Variants in TTI1 observed in about 807,000 individuals in gnomAD.
TTI1 encodes the protein TELO2 interacting protein 1.
TTI1 carries 52 observed loss-of-function variants against 85.4 expected under a neutral mutation model. The ratio of observed to expected loss-of-function variants is 0.61; its 90% confidence interval spans 0.49 to 0.77. The LOEUF (loss-of-function observed/expected upper bound fraction) is 0.77. TTI1 is among the 30% of genes least tolerant of loss of function. The pLI, the probability that TTI1 is intolerant of heterozygous loss-of-function variation, is 0.00. For synonymous variants in TTI1, 512 were observed against 503.9 expected (o/e 1.02, Z -0.22); for missense variants, 1,173 against 1,296.0 (o/e 0.91, Z 1.46).
In TTI1 at chr20:37,983,571, G is replaced by C. The variant is rs775115478; in HGVS notation, c.3155C>G (p.Pro1052Arg). 2.5e-6 allele frequency: 4 copies of C among 1,592,068 alleles called. No individual in the cohort carries two copies. The Admixed American group carries it at 7.2e-5, about 28-fold the overall frequency. Residue 1052 changes from proline to arginine, a missense_variant, in exon 8 of 8, where the codon CCC (proline) becomes CGC (arginine). Transcript: ENST00000373447. Reference sequence around the variant, plus strand: ...GGGGTGGGGAGGTGTGAACTGCACGGGGCAGTAAAGCTCGTTCAGGAGGAA... The same window carrying C: ...GGGGTGGGGAGGTGTGAACTGCACGCGGCAGTAAAGCTCGTTCAGGAGGAA... ...TWFLLNELYC[P>R]VQFTPPHPSL...
intron 7 of TTI1, among the ~76,000 whole-genome samples, chr20:37,991,180 T>C (rs1464826414): frequency 6.6e-6 from 1 of 152,226 alleles, no homozygotes; most frequent in African/African-American, 2.4e-5. Flanking sequence ...GGGTTTGGAT[T>C]TGTCAACTAT....
chr20:38,004,294 C>G lies in TTI1; in HGVS notation c.2504-1518G>C, dbSNP rs117747614. Among the ~76,000 whole-genome samples the G allele has an allele frequency of 2.7e-3, 417 of 152,298 alleles. 2 individuals are homozygous for G. Among genetic ancestry groups the G allele is most frequent in the Non-Finnish European group, 4.4e-3 (302 of 68,020 alleles). ...AAAAATTTTCCTGATCTACTTACAG[C>G]CCCCAGCCTCATGCCAACCCTGATT... On this transcript the variant is annotated intron_variant, in intron 3 of 7. Coordinates refer to ENST00000373447, the MANE Select transcript of TTI1 (RefSeq NM_001303457.2).
chr20:37,987,742 G>A (rs1199986750), intron 7 of TTI1, among the ~76,000 whole-genome samples: 1 of 152,236 alleles, frequency 6.6e-6, no homozygotes, highest in East Asian at 1.9e-4. Flanking sequence ...AAGAAGCCTG[G>A]TGTTTATACT....
intron 3 of TTI1, among the ~76,000 whole-genome samples, chr20:38,003,332 C>T (rs2073451979): frequency 1.3e-5 from 2 of 152,092 alleles, no homozygotes; most frequent in Admixed American, 1.3e-4. Context: ...AAAAGCACAA[C>T]ACAAAATTGC....
At chr20:37,985,958 C>T (rs996753710) in intron 7 of TTI1, among the ~76,000 whole-genome samples, 3 of 152,162 alleles carry the variant, frequency 2.0e-5, no homozygotes, top group African/African-American at 7.2e-5. Flanking sequence ...GTTTCCACTT[C>T]ACCGCAGAAA....
chr20:38,016,111 A>T (rs1411876997), intron 1 of TTI1, among the ~76,000 whole-genome samples: 1 of 152,226 alleles, frequency 6.6e-6, no homozygotes, highest in African/African-American at 2.4e-5. Flanking sequence ...AAGACAGTGG[A>T]ATAGCACCTA....
chr20:38,015,661 G>A (rs1028668639), intron 1 of TTI1, among the ~76,000 whole-genome samples: 2 of 152,096 alleles, frequency 1.3e-5, no homozygotes, highest in Non-Finnish European at 2.9e-5. Flanking sequence ...ATAATAAAAA[G>A]ACCAAGTTCA....
In TTI1 at chr20:38,002,759, G is replaced by A. The variant is rs1216652451; in HGVS notation, c.2521C>T (p.Pro841Ser). The A allele has an allele frequency of 6.2e-7, 1 of 1,614,124 alleles. No individual in the cohort carries two copies. The highest frequency in any genetic ancestry group is 8.5e-7 in the Non-Finnish European group (1 of 1,180,006). Reference protein sequence around the residue: ...DNEEEEQSVPPKVDENDTRPD... With the variant: ...DNEEEEQSVPSKVDENDTRPD... ...CGGGTGTCATTCTCATCCACTTTGG[G>A]AGGGACTGACTGTTCCTCTGGAAAA... The change falls in exon 4 of 8, where the codon CCC (proline) becomes TCC (serine). Residue 841 changes from proline (P) to serine (S), a missense_variant. By Grantham distance (74) the Pro-to-Ser change is moderately conservative. Coordinates refer to ENST00000373447, the MANE Select transcript of TTI1 (RefSeq NM_001303457.2).
At chr20:37,985,469 C>T (rs546158846) in intron 7 of TTI1, among the ~76,000 whole-genome samples, 113 of 151,824 alleles carry the variant, frequency 7.4e-4, no homozygotes, top group Non-Finnish European at 1.4e-3. Flanking sequence ...GTGTAGTGGA[C>T]ATACACTAAG....
intron 4 of TTI1, 108 bp downstream of exon 4, chr20:38,002,520 G>A: frequency 7.0e-7 from 1 of 1,423,002 alleles, no homozygotes; most frequent in South Asian, 1.3e-5. Flanking sequence ...CACCACACGT[G>A]GACCAGGAGA....
intron 2 of TTI1, among the ~76,000 whole-genome samples, chr20:38,007,066 C>T (rs1346131678): frequency 1.3e-5 from 2 of 152,208 alleles, no homozygotes; most frequent in African/African-American, 4.8e-5. Flanking sequence ...TCCAGGATTT[C>T]ATCCTATCGA....
chr20:38,002,897 G>C, intron 3 of TTI1, 121 bp from the exon 4 acceptor site: 1 of 1,325,246 alleles, frequency 7.5e-7, no homozygotes, highest in South Asian at 1.3e-5. Context: ...CAAATGGACT[G>C]AGACACCTCC....
intron 1 of TTI1, among the ~76,000 whole-genome samples, chr20:38,020,310 G>A (rs55637550): frequency 0.099 from 4,774 of 48,090 alleles, 417 homozygotes; most frequent in African/African-American, 0.16. Flanking sequence ...CTACTCATAT[G>A]AAAAAAAAAA....
intron 2 of TTI1, among the ~76,000 whole-genome samples, chr20:38,010,289 G>C (rs528419444): frequency 6.6e-6 from 1 of 152,186 alleles, no homozygotes; most frequent in African/African-American, 2.4e-5. Flanking sequence ...GACAAAATGA[G>C]GCCAGTGACC....
In TTI1 at chr20:38,020,316, AAAAAAAAATAT is replaced by A. The variant is rs1322299591; in HGVS notation, c.-41-6470_-41-6460del. 6.1e-4 allele frequency among the ~76,000 whole-genome samples: 48 copies of A among 78,840 alleles called. 2 individuals are homozygous for A. Among genetic ancestry groups the A allele is most frequent in the African/African-American group, 2.6e-3 (46 of 17,712 alleles). The allele number at this position is 78,840 out of a possible 152,430, so 51.7% of individuals were successfully genotyped here. ...GTCACTTGGCTACTCATATGAAAAA[AAAAAAAAATAT>A]ATATATATATATATATATATATATA... is the stretch of plus-strand genomic sequence containing the variant. On this transcript the variant is annotated intron_variant, in intron 1 of 7. Coordinates refer to ENST00000373447, the MANE Select transcript of TTI1 (RefSeq NM_001303457.2).
chr20:38,031,523 C>T (rs1408219908), intron 1 of TTI1, among the ~76,000 whole-genome samples: 1 of 152,206 alleles, frequency 6.6e-6, no homozygotes, highest in African/African-American at 2.4e-5. Context: ...CATATACATT[C>T]CTTATCCTCC....
intron 1 of TTI1, among the ~76,000 whole-genome samples, chr20:38,019,953 C>T (rs1399570438): frequency 6.6e-6 from 1 of 152,094 alleles, no homozygotes; most frequent in Admixed American, 6.5e-5. Flanking sequence ...GATTTGGTAC[C>T]ATTGGTAGAG....
chr20:38,011,512 T>A lies in TTI1; in HGVS notation c.2302+3A>T. 6.2e-7 allele frequency: 1 copy of A among 1,613,292 alleles called. No individual in the cohort carries two copies. Among genetic ancestry groups the A allele is most frequent in the Non-Finnish European group, 8.5e-7 (1 of 1,179,448 alleles). ...TCAGCATTAAAAAGGGCTCTCAATG[T>A]ACCTAATGCTGCCATCAGAGCATGC... On this transcript the variant is annotated splice_donor_region_variant and intron_variant, in intron 2 of 7. Coordinates refer to ENST00000373447, the MANE Select transcript of TTI1 (RefSeq NM_001303457.2).
intron 2 of TTI1, among the ~76,000 whole-genome samples, chr20:38,011,100 T>C (rs2073579775): frequency 6.6e-6 from 1 of 152,206 alleles, no homozygotes; most frequent in African/African-American, 2.4e-5. Flanking sequence ...GTTATATCTG[T>C]TCTTCATTAG....
Sources: allele counts gnomAD v4.1 joint callset (sites outside exome capture counted in the v4.1 genomes callset), GRCh38; gene constraint gnomAD v4.1.1; transcripts MANE v1.5; gene names NCBI Gene and HGNC (gene_info 2026-07-23, HGNC 2026-07-21).